The following FAM135A variants were observed in gnomAD, a reference collection of about 807,000 sequenced individuals.
FAM135A encodes protein FAM135A.
In FAM135A, 79 loss-of-function variants were observed where a neutral mutation model predicts 146.8. That is an observed-to-expected ratio of 0.54 (90% CI 0.45 to 0.65). The LOEUF (loss-of-function observed/expected upper bound fraction) is 0.65, where lower values mean the gene tolerates loss of function less well. Among genes scored for constraint, FAM135A ranks in the 30% least tolerant of loss-of-function variants. The pLI is 0.00. For synonymous variants in FAM135A, 562 were observed against 603.6 expected (o/e 0.93, Z 1.01); for missense variants, 1,623 against 1,758.2 (o/e 0.92, Z 1.38).
At chr6:70,521,543 G>A (rs1793583456) in intron 12 of FAM135A, among the ~76,000 whole-genome samples, 1 of 152,176 alleles carries the variant, frequency 6.6e-6, no homozygotes. Context: ...AGGGAAACAA[G>A]TTTAGTAAGT....
At chr6:70,500,658 G>A (rs377724831) in intron 11 of FAM135A, among the ~76,000 whole-genome samples, 3 of 152,176 alleles carry the variant, frequency 2.0e-5, no homozygotes, top group African/African-American at 7.2e-5. Context: ...TTTGGATGGC[G>A]TTTTTGTGTG....
In FAM135A at chr6:70,442,238, G is replaced by GTTTTTTTTT. The variant is rs147268217; in HGVS notation, c.78-10254_78-10253insTTTTTTTTT. 1.5e-5 allele frequency among the ~76,000 whole-genome samples: 2 copies of GTTTTTTTTT among 136,408 alleles called. 1 individual carries two copies. The allele number at this position is 136,408 out of a possible 152,430, so 89.5% of individuals were successfully genotyped here. A position where few individuals can be genotyped will look rare whatever the true frequency, so the allele number is the denominator to read the frequency against. ...CATAAATATTTAAAATTTCTTCATG[G>GTTTTTTTTT]GTTTTTTTTTTTTTTTTTTGCCGAG... On this transcript the variant is annotated intron_variant, in intron 4 of 21. Coordinates refer to ENST00000418814, the MANE Select transcript of FAM135A (RefSeq NM_001162529.3).
chr6:70,475,360 T>A (rs1466991182), intron 5 of FAM135A, 50 bp from the exon 6 acceptor site: 3 of 1,415,040 alleles, frequency 2.1e-6, no homozygotes, highest in Admixed American at 5.5e-5. Flanking sequence ...TTAATTTGCT[T>A]GTGTTATATT....
At chr6:70,441,363 G>C (rs1408675113) in intron 4 of FAM135A, among the ~76,000 whole-genome samples, 1 of 152,032 alleles carries the variant, frequency 6.6e-6, no homozygotes, top group Admixed American at 6.6e-5. Flanking sequence ...ACTCCAGTCT[G>C]GGCAACAGAG....
chr6:70,548,292 T>C (rs1252546206), intron 20 of FAM135A, among the ~76,000 whole-genome samples: 5 of 152,248 alleles, frequency 3.3e-5, no homozygotes, highest in African/African-American at 7.2e-5. Flanking sequence ...AATATCAGTA[T>C]TAATACACTT....
chr6:70,443,554 AATGT>A (rs1236541491), intron 4 of FAM135A, among the ~76,000 whole-genome samples: 1 of 152,220 alleles, frequency 6.6e-6, no homozygotes, highest in Admixed American at 6.5e-5. Flanking sequence ...CCTTTCTCAG[AATGT>A]ATTCCTGTTG....
In FAM135A at chr6:70,560,154, T is replaced by TC. The variant is rs1801666015; in HGVS notation, c.*234dup. ...ATCTTTTTACTTTTCTATTACTTTTTCATATATTTTGCTACCTAAGTATTT... is the reference window on the plus strand; with the variant it reads ...ATCTTTTTACTTTTCTATTACTTTTTCCATATATTTTGCTACCTAAGTATTT... On this transcript the variant is annotated 3_prime_UTR_variant, in exon 22 of 22. Coordinates refer to ENST00000418814, the MANE Select transcript of FAM135A (RefSeq NM_001162529.3). 1 of 410,520 alleles carries TC rather than the reference T, an allele frequency of 2.4e-6. No homozygotes were observed. The highest frequency in any genetic ancestry group is 4.2e-5 in the Admixed American group (1 of 23,954). The allele number at this position is 410,520 out of a possible 1,614,324, so 25.4% of individuals were successfully genotyped here.
chr6:70,533,796 C>T lies in FAM135A; in HGVS notation c.3907C>T (p.Leu1303Phe). The change falls in exon 18 of 22, where the codon CTT becomes TTT. Residue 1303 changes from leucine (L) to phenylalanine (F), a missense_variant. Physicochemically the swap from Leu to Phe is conservative, Grantham distance 22. Transcript: ENST00000418814. ...FADFDSMTDR[L>F]LDEIIQYIQI... is the part of the protein sequence containing the mutation. ...TGATTTTGATAGCATGACTGATCGT[C>T]TTTTGGATGAGATAATACAGTATAT... is the stretch of plus-strand genomic sequence containing the variant. The T allele has an allele frequency of 6.3e-7, 1 of 1,587,456 alleles. No homozygotes were observed. The highest frequency in any genetic ancestry group is 8.5e-7 in the Non-Finnish European group (1 of 1,170,458).
At chr6:70,518,417 G>A (rs1208340754) in intron 12 of FAM135A, among the ~76,000 whole-genome samples, 3 of 152,324 alleles carry the variant, frequency 2.0e-5, no homozygotes, top group Non-Finnish European at 1.5e-5. Flanking sequence ...AAGTTCTGAT[G>A]GAGAAGCTAC....
At chr6:70,533,340 G>C (rs1208550551) in intron 17 of FAM135A, 89 bp downstream of exon 17, 2 of 801,384 alleles carry the variant, frequency 2.5e-6, no homozygotes, top group Non-Finnish European at 4.0e-6. Context: ...GCCTGTAATA[G>C]TAGAAATAAT....
At chr6:70,446,725 C>T (rs1775837951) in intron 4 of FAM135A, among the ~76,000 whole-genome samples, 1 of 152,180 alleles carries the variant, frequency 6.6e-6, no homozygotes. Context: ...TAATTGTTCT[C>T]TGTGTCAGCC....
chr6:70,470,830 A>T (rs796647584), intron 5 of FAM135A, among the ~76,000 whole-genome samples: 7 of 152,206 alleles, frequency 4.6e-5, no homozygotes, highest in African/African-American at 1.7e-4. Flanking sequence ...AAGACTTTTG[A>T]GTTTTGCCTG....
chr6:70,525,492 T>C lies in FAM135A; in HGVS notation c.2408T>C (p.Leu803Ser), dbSNP rs1303931660. 1.1e-5 allele frequency: 17 copies of C among 1,612,414 alleles called. No homozygotes were observed. The highest frequency in any genetic ancestry group is 1.4e-5 in the Non-Finnish European group (17 of 1,179,270). Residue 803 changes from leucine to serine, a missense_variant, in exon 15 of 22, where the codon TTA becomes TCA. This residue lies in a region of FAM135A where 1,061 missense variants were observed against 1,113.8 expected (regional missense o/e 0.95). Coordinates refer to ENST00000418814, the MANE Select transcript of FAM135A (RefSeq NM_001162529.3). ...CAAGGTCCTTGCAATAGTGAAAGAT[T>C]ATTTCCTCAGCTTTTGATGAAACCT... ...QGQGPCNSER[L>S]FPQLLMKPDY... is the part of the protein sequence containing the mutation.
At chr6:70,451,560 C>T (rs1312916285) in intron 4 of FAM135A, among the ~76,000 whole-genome samples, 1 of 152,118 alleles carries the variant, frequency 6.6e-6, no homozygotes, top group Non-Finnish European at 1.5e-5. Context: ...CATATTGTGA[C>T]TTTTAATGTT....
intron 12 of FAM135A, 28 bp downstream of exon 12, chr6:70,502,819 C>G: frequency 6.3e-7 from 1 of 1,590,112 alleles, no homozygotes; most frequent in Non-Finnish European, 8.6e-7. Flanking sequence ...GATTTTAGAG[C>G]ATTTTAATGA....
At chr6:70,489,482 G>C (rs117082147) in intron 10 of FAM135A, among the ~76,000 whole-genome samples, 1 of 152,054 alleles carries the variant, frequency 6.6e-6, no homozygotes, top group Non-Finnish European at 1.5e-5. Context: ...TTATGTTACC[G>C]GGTGGGGTAC....
chr6:70,518,983 G>A (rs1337391004), intron 12 of FAM135A, among the ~76,000 whole-genome samples: 2 of 152,206 alleles, frequency 1.3e-5, no homozygotes, highest in South Asian at 4.1e-4. Context: ...AATACATTTT[G>A]TAAGGTGTTG....
chr6:70,429,001 A>G (rs77468752), intron 4 of FAM135A, among the ~76,000 whole-genome samples: 2,869 of 152,258 alleles, frequency 0.019, 94 homozygotes, highest in African/African-American at 0.065. Context: ...GCTAAGATCA[A>G]TAAGTATGTA....
chr6:70,452,523 C>T lies in FAM135A; in HGVS notation c.109C>T (p.Pro37Ser), dbSNP rs764762660. The stretch of plus-strand genomic sequence containing the variant: ...CCAGATTCGTGCTTCTATGAAAATT[C>T]CATCAAGAATTCCCCACAGAGTAGA... ...FYQIRASMKI[P>S]SRIPHRVEAS... Residue 37 changes from proline (P) to serine (S), a missense_variant, in exon 5 of 22, where the codon CCA becomes TCA. By Grantham distance (74) the Pro-to-Ser change is moderately conservative. Coordinates refer to ENST00000418814, the MANE Select transcript of FAM135A (RefSeq NM_001162529.3). 2.6e-5 allele frequency: 42 copies of T among 1,594,698 alleles called. No individual in the cohort carries two copies. In the Admixed American group the frequency reaches 7.2e-4, roughly 27 times the overall value.
Sources: allele counts gnomAD v4.1 joint callset (sites outside exome capture counted in the v4.1 genomes callset), GRCh38; gene constraint gnomAD v4.1.1; regional missense constraint gnomAD v4.1.1; transcripts MANE v1.5; gene names NCBI Gene and HGNC (gene_info 2026-07-23, HGNC 2026-07-21).